TENM2: variants seen among roughly 807,000 people sequenced by gnomAD.
TENM2 encodes teneurin transmembrane protein 2.
In TENM2, 52 loss-of-function variants were observed where a neutral mutation model predicts 245.2. The ratio of observed to expected loss-of-function variants is 0.21; its 90% CI spans 0.17 to 0.27. The LOEUF is 0.27. Ranked by LOEUF, TENM2 falls within the 10% of genes least tolerant of loss-of-function variation. The pLI, the probability that TENM2 is intolerant of heterozygous loss-of-function variation, is 1.00. For missense variants in TENM2, 3,046 were observed against 3,666.8 expected (o/e 0.83, Z 4.37); for synonymous variants, 1,363 against 1,438.9 (o/e 0.95, Z 1.19).
At chr5:168,144,625 A>G (rs201958614) in intron 12 of TENM2, among the ~76,000 whole-genome samples, 42,038 of 147,908 alleles carry the variant, frequency 0.28, 6,481 homozygotes, top group East Asian at 0.61. Context: ...ATTGTGAATA[A>G]TGCCGCAATA....
At chr5:167,153,695 A>T in the TENM2 span, among the ~76,000 whole-genome samples, 4 of 152,238 alleles carry the variant, frequency 2.6e-5, no homozygotes, top group South Asian at 8.3e-4. Flanking sequence ...ACACACACAC[A>T]CATATATCCA....
the TENM2 span, among the ~76,000 whole-genome samples, chr5:167,154,288 C>T: frequency 1.3e-5 from 2 of 152,150 alleles, no homozygotes; most frequent in Non-Finnish European, 2.9e-5. Context: ...AACTTGCAAG[C>T]ATTTTTCATG....
At chr5:167,590,139 T>G (rs908305560) in intron 2 of TENM2, among the ~76,000 whole-genome samples, 1 of 151,980 alleles carries the variant, frequency 6.6e-6, no homozygotes, top group African/African-American at 2.4e-5. Context: ...TGCAATATTT[T>G]TAGGATATAA....
chr5:167,268,043 A>G, the TENM2 span, among the ~76,000 whole-genome samples: 1 of 152,122 alleles, frequency 6.6e-6, no homozygotes, highest in African/African-American at 2.4e-5. Context: ...CTTTCTCTGC[A>G]TGTGTATTCT....
In TENM2 at chr5:167,512,170, A is replaced by C. The variant is rs77511511; in HGVS notation, c.502+136697A>C. On this transcript the variant is annotated intron_variant, in intron 2 of 28. Transcript: ENST00000518659. ...CCTTGAATTCATTACTGGATTGCCTAGGTAATGTAAGGAATATGACACACA... is the reference window on the plus strand; with the variant it reads ...CCTTGAATTCATTACTGGATTGCCTCGGTAATGTAAGGAATATGACACACA... 3.3e-3 allele frequency among the ~76,000 whole-genome samples: 499 copies of C among 152,326 alleles called. 25 individuals are homozygous for C. In the South Asian group the frequency reaches 0.082, roughly 25 times the overall value.
At chr5:167,209,050 A>T in the TENM2 span, among the ~76,000 whole-genome samples, 38 of 152,242 alleles carry the variant, frequency 2.5e-4, no homozygotes, top group African/African-American at 8.9e-4. Context: ...TTGTAACTAC[A>T]CGTATTTCTT....
chr5:168,161,384 C>T (rs552284251), intron 12 of TENM2, among the ~76,000 whole-genome samples: 187 of 152,302 alleles, frequency 1.2e-3, no homozygotes, highest in African/African-American at 4.4e-3. Flanking sequence ...TTAATGGTCA[C>T]TGGGGTATAT....
intron 2 of TENM2, among the ~76,000 whole-genome samples, chr5:167,800,355 CAGGTCTCTG>C (rs1014306155): frequency 2.0e-5 from 3 of 152,194 alleles, no homozygotes; most frequent in African/African-American, 7.2e-5. Context: ...TCGTTTACTT[CAGGTCTCTG>C]AGAAAACGAA....
intron 1 of TENM2, among the ~76,000 whole-genome samples, chr5:167,367,759 C>A (rs1401692688): frequency 6.6e-6 from 1 of 151,748 alleles, no homozygotes; most frequent in Admixed American, 6.6e-5. Context: ...TATTTAAATG[C>A]GAGATAACAA....
intron 2 of TENM2, among the ~76,000 whole-genome samples, chr5:167,494,389 T>A (rs1021097143): frequency 6.6e-6 from 1 of 151,510 alleles, no homozygotes; most frequent in African/African-American, 2.4e-5. Flanking sequence ...CAATAGGGAG[T>A]TGCTAAAAGG....
chr5:167,972,523 T>C (rs146992565), intron 4 of TENM2, among the ~76,000 whole-genome samples: 8 of 152,334 alleles, frequency 5.3e-5, no homozygotes, highest in Non-Finnish European at 1.0e-4. Flanking sequence ...TAATGAAACA[T>C]CTTGTGTATA....
chr5:167,531,561 G>T (rs10056021), intron 2 of TENM2, among the ~76,000 whole-genome samples: 1 of 151,346 alleles, frequency 6.6e-6, no homozygotes, highest in South Asian at 2.1e-4. Context: ...TACAGTTACC[G>T]TGCTGTACAA....
At chr5:167,020,326 A>C in the TENM2 span, among the ~76,000 whole-genome samples, 2 of 152,214 alleles carry the variant, frequency 1.3e-5, no homozygotes, top group Non-Finnish European at 2.9e-5. Flanking sequence ...TAGAATATTA[A>C]GAATGCTAGG....
At chr5:167,558,625 C>A (rs2127636038) in intron 2 of TENM2, among the ~76,000 whole-genome samples, 1 of 152,244 alleles carries the variant, frequency 6.6e-6, no homozygotes, top group East Asian at 1.9e-4. Flanking sequence ...GAATCTAATG[C>A]CTGATGATCT....
the TENM2 span, among the ~76,000 whole-genome samples, chr5:167,255,445 G>A: frequency 6.6e-6 from 1 of 152,130 alleles, no homozygotes; most frequent in Non-Finnish European, 1.5e-5. Context: ...TGCTCCCCAT[G>A]TAAAAGCACT....
chr5:167,553,688 C>G (rs1210621869), intron 2 of TENM2, among the ~76,000 whole-genome samples: 1 of 152,148 alleles, frequency 6.6e-6, no homozygotes, highest in Non-Finnish European at 1.5e-5. Flanking sequence ...TGGTGCCTGG[C>G]TAATTTCCCT....
At chr5:167,472,850 C>T (rs1456580697) in intron 2 of TENM2, among the ~76,000 whole-genome samples, 3 of 152,196 alleles carry the variant, frequency 2.0e-5, no homozygotes, top group Admixed American at 6.5e-5. Context: ...TGGACTCATA[C>T]ACTTCAGGAA....
intron 2 of TENM2, among the ~76,000 whole-genome samples, chr5:167,405,396 T>A (rs1762574974): frequency 6.6e-6 from 1 of 152,118 alleles, no homozygotes; most frequent in Non-Finnish European, 1.5e-5. Flanking sequence ...TCATTTTGCA[T>A]AAATGGACAG....
At chr5:166,981,094 G>GA in the TENM2 span, among the ~76,000 whole-genome samples, 24 of 152,046 alleles carry the variant, frequency 1.6e-4, no homozygotes, top group Non-Finnish European at 2.6e-4. Flanking sequence ...CTTTTATGTA[G>GA]AAAAAAACCT....
Sources: gnomAD v4.1 joint callset for allele counts (sites outside exome capture counted in the v4.1 genomes callset) on GRCh38, gnomAD v4.1.1 for gene constraint, MANE v1.5 for transcripts, NCBI Gene and HGNC (gene_info 2026-07-23, HGNC 2026-07-21) for gene names.